TMEM156: variants seen among roughly 807,000 people sequenced by gnomAD.
The protein encoded by TMEM156 is transmembrane protein 156.
TMEM156 carries 28 observed loss-of-function variants against 30.5 expected under a neutral mutation model. The ratio of observed to expected loss-of-function variants is 0.92; its 90% CI spans 0.68 to 1.26. TMEM156 has a LOEUF of 1.26. Among genes scored for constraint, TMEM156 ranks in the 50% most tolerant of loss-of-function variants. The probability of loss-of-function intolerance (pLI) is 0.00; values close to 1 mark genes in which losing one functional copy is unlikely to be tolerated. For missense variants in TMEM156, 351 were observed against 340.6 expected (o/e 1.03, Z -0.24); for synonymous variants, 137 against 119.9 (o/e 1.14, Z -0.93).
intron 6 of TMEM156, among the ~76,000 whole-genome samples, chr4:38,968,281 G>C (rs1355086585): frequency 6.6e-6 from 1 of 152,188 alleles, no homozygotes; most frequent in Non-Finnish European, 1.5e-5. Context: ...TTCTAACACA[G>C]AGACATAGAA....
chr4:39,009,884 G>T (rs1427862029), intron 1 of TMEM156, among the ~76,000 whole-genome samples: 3 of 152,126 alleles, frequency 2.0e-5, no homozygotes, highest in Non-Finnish European at 4.4e-5. Flanking sequence ...CAAAGTACTG[G>T]AAGTCCTAGC....
At chr4:39,016,895 G>C (rs1714524029) in intron 1 of TMEM156, among the ~76,000 whole-genome samples, 1 of 152,126 alleles carries the variant, frequency 6.6e-6, no homozygotes, top group Non-Finnish European at 1.5e-5. Context: ...GTTCCACATG[G>C]CTGGGGAGGC....
At chr4:38,998,086 C>T (rs1051562372) in intron 2 of TMEM156, among the ~76,000 whole-genome samples, 1 of 152,158 alleles carries the variant, frequency 6.6e-6, no homozygotes, top group African/African-American at 2.4e-5. Context: ...AAATAATCCT[C>T]TACCCATCAT....
At chr4:38,983,836 T>C (rs1289129377) in intron 5 of TMEM156, among the ~76,000 whole-genome samples, 2 of 152,264 alleles carry the variant, frequency 1.3e-5, no homozygotes, top group Admixed American at 6.5e-5. Context: ...GCCCTGTAAT[T>C]ACTCTGTCTC....
At position 38,998,277 on chromosome 4, in the gene TMEM156, G is replaced by A. The variant is rs558430926; in HGVS notation, c.358+363C>T. Among the ~76,000 whole-genome samples, 7 of 152,234 alleles carry A rather than the reference G, an allele frequency of 4.6e-5. No individual in the cohort carries two copies. The East Asian group carries it at 1.2e-3, about 25-fold the overall frequency. ...TGGAATATATTGGCCAGGCGCTGTGGCTAATACACCTGTAATCCCAGCACT... is the reference window on the plus strand; with the variant it reads ...TGGAATATATTGGCCAGGCGCTGTGACTAATACACCTGTAATCCCAGCACT... On this transcript the variant is annotated intron_variant, in intron 2 of 6. Coordinates refer to ENST00000381938, the MANE Select transcript of TMEM156 (RefSeq NM_024943.3).
chr4:39,011,744 G>C (rs779027909), intron 1 of TMEM156, among the ~76,000 whole-genome samples: 4 of 152,102 alleles, frequency 2.6e-5, no homozygotes, highest in African/African-American at 7.2e-5. Flanking sequence ...TTGCACTCCA[G>C]CCTGGACAAC....
chr4:38,994,460 G>C (rs1712776789), intron 2 of TMEM156, among the ~76,000 whole-genome samples: 2 of 152,098 alleles, frequency 1.3e-5, no homozygotes, highest in South Asian at 4.1e-4. Context: ...TATTTTTTAA[G>C]ATCATGAAAA....
At chr4:39,011,856 TC>T (rs1443730729) in intron 1 of TMEM156, among the ~76,000 whole-genome samples, 2 of 152,198 alleles carry the variant, frequency 1.3e-5, no homozygotes, top group Non-Finnish European at 1.5e-5. Context: ...TGAAATCATG[TC>T]CTTTGCAGCA....
chr4:38,986,900 T>A (rs138831032), intron 4 of TMEM156, among the ~76,000 whole-genome samples: 1 of 141,998 alleles, frequency 7.0e-6, no homozygotes, highest in East Asian at 2.1e-4. Flanking sequence ...TATCTTATTA[T>A]ATACATAGAT....
chr4:38,977,630 A>G (rs551880457), intron 5 of TMEM156, among the ~76,000 whole-genome samples: 58 of 152,392 alleles, frequency 3.8e-4, no homozygotes, highest in African/African-American at 1.3e-3. Context: ...AACACTAGTT[A>G]AGGCAGTAGA....
chr4:39,015,139 T>C (rs1380374597), intron 1 of TMEM156, among the ~76,000 whole-genome samples: 1 of 152,246 alleles, frequency 6.6e-6, no homozygotes, highest in Admixed American at 6.5e-5. Flanking sequence ...TCTGTAGTTA[T>C]ATCCCTTTTT....
chr4:38,988,921 A>G lies in TMEM156; in HGVS notation c.669T>C (p.Val223=). ...TAGTGAGGATGATCAAAAATATAAA[A>G]ACTAATAGAACTAAAATATACCAAG... is the stretch of plus-strand genomic sequence containing the variant. The part of the protein sequence containing the change: ...KITWYILVLL[V]FIFLIILTIR... Residue 223 remains valine (V), a synonymous_variant, in exon 4 of 7, where the codon GTT becomes GTC. Transcript: ENST00000381938. 1 of 1,613,076 alleles carries G rather than the reference A, an allele frequency of 6.2e-7. No homozygotes were observed. Among genetic ancestry groups the G allele is most frequent in the Non-Finnish European group, 8.5e-7 (1 of 1,179,110 alleles).
intron 2 of TMEM156, 109 bp from the exon 3 acceptor site, chr4:38,994,107 AG>A: frequency 2.0e-6 from 2 of 1,003,170 alleles, no homozygotes; most frequent in Non-Finnish European, 2.9e-6. Context: ...AGTAGAAACA[AG>A]AAGTTTCCTA....
intron 1 of TMEM156, among the ~76,000 whole-genome samples, chr4:39,014,300 T>C (rs536852943): frequency 6.6e-6 from 1 of 152,298 alleles, no homozygotes; most frequent in African/African-American, 2.4e-5. Flanking sequence ...AGAAAGATGA[T>C]TGACTAACAG....
At chr4:38,988,432 C>G (rs913992070) in intron 4 of TMEM156, among the ~76,000 whole-genome samples, 1 of 102,138 alleles carries the variant, frequency 9.8e-6, no homozygotes, top group African/African-American at 3.1e-5. Flanking sequence ...CCATGTTGGC[C>G]AGGCTGGTCT....
intron 1 of TMEM156, chr4:39,028,298 T>A (rs1251790629): frequency 6.6e-6 from 1 of 152,212 alleles, no homozygotes; most frequent in Non-Finnish European, 1.5e-5. Flanking sequence ...ATGAGAATAT[T>A]TTATTTAATA....
intron 1 of TMEM156, among the ~76,000 whole-genome samples, chr4:39,021,049 T>A (rs566074234): frequency 2.6e-5 from 4 of 152,350 alleles, no homozygotes; most frequent in Non-Finnish European, 5.9e-5. Context: ...TGTATTTCCC[T>A]GATGATTAGC....
chr4:38,977,173 A>G lies in TMEM156; in HGVS notation c.824-6036T>C, dbSNP rs189004062. Among the ~76,000 whole-genome samples, 16 of 152,288 alleles carry G rather than the reference A, an allele frequency of 1.1e-4. No homozygotes were observed. In the East Asian group the frequency reaches 2.9e-3, roughly 28 times the overall value. ...GCCCACCTCGGCCTTCCAAAATGCT[A>G]GGATTACAGGCTTGAGCCACTGGGC... On this transcript the variant is annotated intron_variant, in intron 5 of 6. Coordinates refer to ENST00000381938, the MANE Select transcript of TMEM156 (RefSeq NM_024943.3).
chr4:38,983,869 A>G (rs925582626), intron 5 of TMEM156, among the ~76,000 whole-genome samples: 7 of 152,170 alleles, frequency 4.6e-5, no homozygotes, highest in African/African-American at 1.7e-4. Context: ...CATATTTCCC[A>G]ATCCCTCAGA....
Sources: gnomAD v4.1 joint callset for allele counts (sites outside exome capture counted in the v4.1 genomes callset) on GRCh38, gnomAD v4.1.1 for gene constraint, MANE v1.5 for transcripts, NCBI Gene and HGNC (gene_info 2026-07-23, HGNC 2026-07-21) for gene names.